LMCD1: variants seen among roughly 807,000 people sequenced by gnomAD.
LMCD1 encodes the protein LIM and cysteine-rich domains protein 1.
Under a neutral mutation model 42.7 loss-of-function variants are expected in LMCD1, and 32 were observed. The observed-to-expected ratio is 0.75, with a 90% CI of 0.57 to 1.01. The LOEUF is 1.01. Ranked by LOEUF, LMCD1 falls within the 50% of genes least tolerant of loss-of-function variation. The probability of loss-of-function intolerance (pLI) is 0.00; values close to 1 mark genes in which losing one functional copy is unlikely to be tolerated. For missense variants in LMCD1, 458 were observed against 483.1 expected, an observed-to-expected ratio of 0.95 and a Z score of 0.49; for synonymous variants, 178 against 184.9, an observed-to-expected ratio of 0.96 and a Z score of 0.30.
chr3:8,563,740 G>A (rs1695080435), intron 4 of LMCD1, among the ~76,000 whole-genome samples: 1 of 152,186 alleles, frequency 6.6e-6, no homozygotes, highest in South Asian at 2.1e-4. Context: ...GTGGGGAGAA[G>A]AGTCACTTTA....
At chr3:8,504,325 G>A (rs572423710) in intron 1 of LMCD1, among the ~76,000 whole-genome samples, 154 of 152,356 alleles carry the variant, frequency 1.0e-3, no homozygotes, top group Non-Finnish European at 1.8e-3. Flanking sequence ...ATCTGCAACA[G>A]TATGTGGGGG....
intron 1 of LMCD1, among the ~76,000 whole-genome samples, chr3:8,502,419 T>TAAAATATATATAATATATA (rs1693777614): frequency 1.0e-5 from 1 of 100,278 alleles, no homozygotes; most frequent in Non-Finnish European, 1.9e-5. Context: ...ATATAATATA[T>TAAAATATATATAATATATA]ATATATGAAA....
chr3:8,518,912 G>A (rs1694146711), intron 1 of LMCD1, among the ~76,000 whole-genome samples: 1 of 152,094 alleles, frequency 6.6e-6, no homozygotes, highest in Non-Finnish European at 1.5e-5. Flanking sequence ...CTCCCCTTTT[G>A]GGCATCATCC....
In LMCD1 at chr3:8,573,712, A is replaced by G. The variant is rs958697670; in HGVS notation, c.*6114A>G. 3.3e-5 allele frequency: 5 copies of G among 152,324 alleles called. No individual in the cohort carries two copies. Among genetic ancestry groups the G allele is most frequent in the Non-Finnish European group, 7.3e-5 (5 of 68,028 alleles). 9.4% of individuals were successfully genotyped at this position (152,324 alleles called of 1,614,324 possible). The stretch of plus-strand genomic sequence containing the variant: ...CTGGTCTGATTCCTTTGGGTCTCTA[A>G]TAATGGAAACTGCAAGGATCAGCAT... On this transcript the variant is annotated 3_prime_UTR_variant, in exon 6 of 6. Coordinates refer to ENST00000157600, the MANE Select transcript of LMCD1 (RefSeq NM_014583.4).
In LMCD1 at chr3:8,518,637, C is replaced by T. The variant is rs76574867; in HGVS notation, c.43-14100C>T. On this transcript the variant is annotated intron_variant, in intron 1 of 5. Coordinates refer to ENST00000157600, the MANE Select transcript of LMCD1 (RefSeq NM_014583.4). The stretch of plus-strand genomic sequence containing the variant: ...AAACATAGGAGAAGCAGGGAGAGAG[C>T]GAGTTGGCAGTCTCATCCGTCTATC... Among the ~76,000 whole-genome samples, 921 of 152,172 alleles carry T rather than the reference C, an allele frequency of 6.1e-3. 10 individuals are homozygous for T. The highest frequency in any genetic ancestry group is 0.01 in the South Asian group (50 of 4,812).
At chr3:8,543,212 C>T (rs1053877567) in intron 3 of LMCD1, among the ~76,000 whole-genome samples, 1 of 152,176 alleles carries the variant, frequency 6.6e-6, no homozygotes, top group African/African-American at 2.4e-5. Flanking sequence ...CACCCTAACG[C>T]ATCTCTGCAG....
chr3:8,506,478 C>T (rs1233656754), intron 1 of LMCD1, among the ~76,000 whole-genome samples: 1 of 152,138 alleles, frequency 6.6e-6, no homozygotes, highest in Non-Finnish European at 1.5e-5. Flanking sequence ...TCCGCCCTTA[C>T]GCAGGCCACT....
In LMCD1 at chr3:8,537,279, T is replaced by TC. The variant is rs1174234290; in HGVS notation, c.228dup (p.Lys77GlnfsTer38). 1.9e-6 allele frequency: 3 copies of TC among 1,614,130 alleles called. No individual in the cohort carries two copies. Among genetic ancestry groups the TC allele is most frequent in the Admixed American group, 1.7e-5 (1 of 60,014 alleles). On this transcript the variant is annotated frameshift_variant, in exon 3 of 6. Coordinates refer to ENST00000157600, the MANE Select transcript of LMCD1 (RefSeq NM_014583.4). LOFTEE classifies it high-confidence loss of function. ...GAAAATTGGCCGCTTGCTGATGGAC[T>TC]CCAAGTATTCCACCCTCACTGCTCG...
rs1348064476 is a variant in LMCD1 at position 8,571,821 on chromosome 3, CAAG to C, written c.*4228_*4230del. On this transcript the variant is annotated 3_prime_UTR_variant, in exon 6 of 6. Coordinates refer to ENST00000157600, the MANE Select transcript of LMCD1 (RefSeq NM_014583.4). ...AATGTCAAACTTACGAAAAAAGTTA[CAAG>C]AAGAGAACAAAGAGCTATTAGAGGG... 6.6e-6 allele frequency: 1 copy of C among 152,216 alleles called. No individual in the cohort carries two copies. Among genetic ancestry groups the C allele is most frequent in the African/African-American group, 2.4e-5 (1 of 41,462 alleles). 9.4% of individuals were successfully genotyped at this position (152,216 alleles called of 1,614,324 possible).
chr3:8,502,075 G>A, intron 1 of LMCD1, 95 bp downstream of exon 1: 1 of 1,125,754 alleles, frequency 8.9e-7, no homozygotes, highest in Non-Finnish European at 1.3e-6. Flanking sequence ...GTAATGAGAA[G>A]GGAACTCTTT....
chr3:8,548,102 A>G (rs1032573751), intron 3 of LMCD1, among the ~76,000 whole-genome samples: 2 of 152,210 alleles, frequency 1.3e-5, no homozygotes, highest in Non-Finnish European at 2.9e-5. Context: ...AGAGTATGAT[A>G]ATCTTATGGG....
At chr3:8,522,807 T>C (rs1021549309) in intron 1 of LMCD1, among the ~76,000 whole-genome samples, 5 of 151,820 alleles carry the variant, frequency 3.3e-5, no homozygotes, top group African/African-American at 1.2e-4. Context: ...ATTTAATTAA[T>C]TTTTAAAAAT....
chr3:8,559,185 T>C (rs1302288445), intron 4 of LMCD1, among the ~76,000 whole-genome samples: 2 of 152,110 alleles, frequency 1.3e-5, no homozygotes, highest in Non-Finnish European at 2.9e-5. Context: ...ATAGAGCTCA[T>C]CAGTGGCAGG....
chr3:8,563,504 C>T (rs926693446), intron 4 of LMCD1, among the ~76,000 whole-genome samples: 2 of 152,212 alleles, frequency 1.3e-5, no homozygotes, highest in African/African-American at 4.8e-5. Flanking sequence ...CCTCTCTCTG[C>T]CCTCTGCAGC....
At chr3:8,521,376 G>A (rs532575938) in intron 1 of LMCD1, among the ~76,000 whole-genome samples, 4 of 152,122 alleles carry the variant, frequency 2.6e-5, no homozygotes, top group South Asian at 2.1e-4. Context: ...TTTTTGCCTC[G>A]TTCCATACTC....
At position 8,565,500 on chromosome 3, in the gene LMCD1, C is replaced by A; in HGVS notation, c.792C>A (p.Tyr264Ter). Residue 264 changes from tyrosine to a stop codon, truncating the protein, a stop_gained, in exon 5 of 6, where the codon TAC becomes TAA. Coordinates refer to ENST00000157600, the MANE Select transcript of LMCD1 (RefSeq NM_014583.4). LOFTEE classifies it high-confidence loss of function. ...TGGTCTACTCGGACAGGGCAGGCTA[C>A]AACAAGCAGTGGCACCCCACCTGCT... Reference protein sequence around the residue: ...SPVVYSDRAGYNKQWHPTCFV... With the variant: ...SPVVYSDRAG The A allele has an allele frequency of 6.2e-7, 1 of 1,614,230 alleles. No homozygotes were observed.
chr3:8,552,851 G>C (rs1232591806), intron 4 of LMCD1, among the ~76,000 whole-genome samples: 1 of 152,188 alleles, frequency 6.6e-6, no homozygotes, highest in Admixed American at 6.5e-5. Flanking sequence ...AGCCTTCCGA[G>C]TAGCTGGGAC....
intron 1 of LMCD1, among the ~76,000 whole-genome samples, chr3:8,524,731 G>T (rs1694267940): frequency 6.6e-6 from 1 of 152,028 alleles, no homozygotes; most frequent in African/African-American, 2.4e-5. Flanking sequence ...TGTCATCCAG[G>T]TTGGATGCAG....
chr3:8,541,845 T>C (rs1694633137), intron 3 of LMCD1, among the ~76,000 whole-genome samples: 1 of 151,906 alleles, frequency 6.6e-6, no homozygotes, highest in African/African-American at 2.4e-5. Context: ...TGGAGGGCTG[T>C]GTTAAGAGGG....
Sources: allele counts gnomAD v4.1 joint callset (sites outside exome capture counted in the v4.1 genomes callset), GRCh38; gene constraint gnomAD v4.1.1; transcripts MANE v1.5; gene names NCBI Gene and HGNC (gene_info 2026-07-23, HGNC 2026-07-21).